Variants in DGKD observed in about 807,000 individuals in gnomAD.
DGKD encodes diacylglycerol kinase delta.
DGKD carries 68 observed loss-of-function variants against 154.4 expected under a neutral mutation model. The ratio of observed to expected loss-of-function variants is 0.44; its 90% CI spans 0.36 to 0.54. The LOEUF is 0.54. DGKD is among the 20% of genes least tolerant of loss of function. The pLI is 0.00. For missense variants in DGKD, 1,343 were observed against 1,593.6 expected (o/e 0.84, Z 2.68); for synonymous variants, 693 against 638.0 (o/e 1.09, Z -1.30).
At chr2:233,432,456 G>A (rs986785506) in intron 3 of DGKD, among the ~76,000 whole-genome samples, 1 of 151,042 alleles carries the variant, frequency 6.6e-6, no homozygotes, top group African/African-American at 2.4e-5. Flanking sequence ...TCAGGAGATC[G>A]TGACCATCCT....
chr2:233,416,668 G>A (rs2061968502), intron 3 of DGKD, among the ~76,000 whole-genome samples: 1 of 152,190 alleles, frequency 6.6e-6, no homozygotes, highest in Non-Finnish European at 1.5e-5. Flanking sequence ...ACTTAAGAAT[G>A]CCAAAGCATT....
At chr2:233,435,381 A>G (rs1179709410) in intron 5 of DGKD, among the ~76,000 whole-genome samples, 1 of 152,228 alleles carries the variant, frequency 6.6e-6, no homozygotes, top group African/African-American at 2.4e-5. Flanking sequence ...CTGTTTTTGT[A>G]CAGCTCCCAC....
intron 1 of DGKD, among the ~76,000 whole-genome samples, chr2:233,374,001 T>TTATCTC: frequency 6.6e-6 from 1 of 152,120 alleles, no homozygotes; most frequent in African/African-American, 2.4e-5. Context: ...TAACTCCCCT[T>TTATCTC]TATGTCTTTT....
chr2:233,449,328 A>G lies in DGKD; in HGVS notation c.1840A>G (p.Asn614Asp). The change falls in exon 15 of 30, where the codon AAC becomes GAC. Residue 614 changes from asparagine to aspartate, a missense_variant. Transcript: ENST00000264057. The surrounding 1 kb of genome is among the most constrained non-coding windows in gnomAD (Gnocchi z 5.3). ...TCGAGAACAGCTCATGCTGAGAGCC[A>G]ACAGCCTGAAGAAAGCAATTCGTCA... ...RPREQLMLRA[N>D]SLKKAIRQII... 3 of 1,609,826 alleles carry G rather than the reference A, an allele frequency of 1.9e-6. No homozygotes were observed. The highest frequency in any genetic ancestry group is 2.6e-6 in the Non-Finnish European group (3 of 1,176,390).
At chr2:233,451,163 G>T in intron 17 of DGKD, 113 bp downstream of exon 17, 237 of 741,270 alleles carry the variant, frequency 3.2e-4, no homozygotes, top group East Asian at 1.2e-3. Flanking sequence ...CCCTGAGAAA[G>T]ATAGGTGGAA....
chr2:233,451,146 T>C, intron 17 of DGKD, 96 bp downstream of exon 17: 2 of 1,303,606 alleles, frequency 1.5e-6, no homozygotes, highest in South Asian at 3.3e-5. Flanking sequence ...TCGGAGAGTT[T>C]ACAGGCCCCT....
chr2:233,458,473 G>A lies in DGKD; in HGVS notation c.2694+76G>A. 1 of 1,182,298 alleles carries A rather than the reference G, an allele frequency of 8.5e-7. No individual in the cohort carries two copies. Among genetic ancestry groups the A allele is most frequent in the Admixed American group, 1.9e-5 (1 of 51,688 alleles). The allele number at this position is 1,182,298 out of a possible 1,614,324, so 73.2% of individuals were successfully genotyped here. On this transcript the variant is annotated intron_variant, in intron 22 of 29. Coordinates refer to ENST00000264057, the MANE Select transcript of DGKD (RefSeq NM_152879.3). This position sits in a 1 kb window ranked among gnomAD's most constrained non-coding sequence, Gnocchi z 6.6. ...GCTAAATTCTGGGGCAGTGCATGGA[G>A]CCTGGGAGGGTGGGCGCTTTCCAGG...
intron 3 of DGKD, among the ~76,000 whole-genome samples, chr2:233,404,374 G>C (rs1486646968): frequency 6.6e-6 from 1 of 152,280 alleles, no homozygotes. Context: ...ATTTAGGGAG[G>C]TGAGTTTGTT....
At chr2:233,444,602 G>A (rs1405494592) in intron 10 of DGKD, among the ~76,000 whole-genome samples, 1 of 148,600 alleles carries the variant, frequency 6.7e-6, no homozygotes, top group African/African-American at 2.5e-5. Context: ...AAGCCCTCGC[G>A]GAGTCCTCAG....
intron 1 of DGKD, 98 bp from the exon 2 acceptor site, chr2:233,388,159 C>A: frequency 6.4e-7 from 1 of 1,557,268 alleles, no homozygotes. Context: ...CTGTTAGAGA[C>A]ACGAATATGT....
rs548323755 is a variant in DGKD at position 233,459,529 on chromosome 2, GGGGATGGGGC to G, written c.2695-213_2695-204del. ...GTCTCCTGCACTGACTGCTCAGTGA[GGGGATGGGGC>G]GGGATGGGGCGGGACAGTGGGAGAA... On this transcript the variant is annotated intron_variant, in intron 22 of 29. Transcript: ENST00000264057. The surrounding 1 kb of genome is among the most constrained non-coding windows in gnomAD (Gnocchi z 5.7). Among the ~76,000 whole-genome samples the G allele has an allele frequency of 3.9e-5, 6 of 152,026 alleles. No individual in the cohort carries two copies. The highest frequency in any genetic ancestry group is 1.3e-4 in the Admixed American group (2 of 15,270).
intron 3 of DGKD, among the ~76,000 whole-genome samples, chr2:233,390,905 G>T (rs1466456462): frequency 3.9e-5 from 6 of 152,100 alleles, no homozygotes; most frequent in Non-Finnish European, 8.8e-5. Flanking sequence ...GGCTAATTTT[G>T]TATTTTTAGT....
chr2:233,462,766 C>T (rs200904565), intron 26 of DGKD, 31 bp downstream of exon 26: 431 of 1,594,532 alleles, frequency 2.7e-4, no homozygotes, highest in Admixed American at 1.7e-3. Flanking sequence ...CAGCAGGGCT[C>T]GGGCTGTGTG....
chr2:233,465,646 A>T (rs1216118696), intron 27 of DGKD, among the ~76,000 whole-genome samples: 1 of 152,208 alleles, frequency 6.6e-6, no homozygotes, highest in African/African-American at 2.4e-5. Context: ...GAAAAGATTT[A>T]TATCTTCCAA....
chr2:233,362,802 G>A (rs541624838), intron 1 of DGKD, among the ~76,000 whole-genome samples: 8 of 152,238 alleles, frequency 5.3e-5, no homozygotes, highest in African/African-American at 1.4e-4. Flanking sequence ...TGATGTTTCC[G>A]GATGATGATC....
chr2:233,392,781 C>G (rs974083383), intron 3 of DGKD, among the ~76,000 whole-genome samples: 9 of 152,120 alleles, frequency 5.9e-5, no homozygotes, highest in Non-Finnish European at 7.4e-5. Context: ...AACCTTTTCA[C>G]TTTTTGAGTC....
intron 1 of DGKD, among the ~76,000 whole-genome samples, chr2:233,378,972 G>A (rs907151620): frequency 8.5e-5 from 13 of 152,204 alleles, no homozygotes; most frequent in African/African-American, 2.7e-4. Flanking sequence ...TCAAGGCTGC[G>A]GTGAGCTGTG....
chr2:233,419,267 G>A (rs1399833376), intron 3 of DGKD: 2 of 985,556 alleles, frequency 2.0e-6, no homozygotes, highest in South Asian at 9.4e-5. Flanking sequence ...CTGATTGCAC[G>A]GTACTGATTT....
At chr2:233,371,417 GT>G (rs1045506440) in intron 1 of DGKD, among the ~76,000 whole-genome samples, 8 of 152,020 alleles carry the variant, frequency 5.3e-5, no homozygotes, top group African/African-American at 1.9e-4. Context: ...AATTGTAAGA[GT>G]TTTTTATATA....
Sources: gnomAD v4.1 joint callset for allele counts (sites outside exome capture counted in the v4.1 genomes callset) on GRCh38, gnomAD v4.1.1 for gene constraint, Gnocchi (gnomAD v3.1) non-coding constraint, MANE v1.5 for transcripts, NCBI Gene and HGNC (gene_info 2026-07-23, HGNC 2026-07-21) for gene names.